ANKRD6: variants seen among roughly 807,000 people sequenced by gnomAD.
The protein encoded by ANKRD6 is ankyrin repeat domain 6, also known as ankyrin repeat domain-containing protein 6.
A neutral mutation model predicts 82.3 loss-of-function variants in ANKRD6; 56 were observed. The ratio of observed to expected loss-of-function variants is 0.68; its 90% confidence interval spans 0.55 to 0.85. The LOEUF is 0.85. ANKRD6 is among the 40% of genes least tolerant of loss of function. The pLI is 0.00. For synonymous variants in ANKRD6, 347 were observed against 352.1 expected (o/e 0.99, Z 0.16); for missense variants, 852 against 907.6 (o/e 0.94, Z 0.79).
intron 1 of ANKRD6, among the ~76,000 whole-genome samples, chr6:89,456,281 G>T (rs371747632): frequency 6.6e-6 from 1 of 152,172 alleles, no homozygotes; most frequent in African/African-American, 2.4e-5. Flanking sequence ...TTTGGGAGGT[G>T]ACAAATATCG....
In ANKRD6 at chr6:89,473,303, C is replaced by T. The variant is rs1373551243; in HGVS notation, c.-144+39928C>T. ...GCGTATGCCCATAATCCCAGCTACTCGGGAGGCTGAGGCAGGAGAATCGCT... is the reference window on the plus strand; with the variant it reads ...GCGTATGCCCATAATCCCAGCTACTTGGGAGGCTGAGGCAGGAGAATCGCT... On this transcript the variant is annotated intron_variant, in intron 1 of 15. Coordinates refer to ENST00000339746, the MANE Select transcript of ANKRD6 (RefSeq NM_001242809.2). Among the ~76,000 whole-genome samples the T allele has an allele frequency of 3.3e-5, 5 of 151,412 alleles. No individual in the cohort carries two copies. In the South Asian group the frequency reaches 6.3e-4, roughly 19 times the overall value.
intron 1 of ANKRD6, among the ~76,000 whole-genome samples, chr6:89,500,699 G>A (rs1779165857): frequency 6.6e-6 from 1 of 152,126 alleles, no homozygotes; most frequent in South Asian, 2.1e-4. Context: ...GGATGGGAAA[G>A]CACTTTGGAA....
intron 1 of ANKRD6, among the ~76,000 whole-genome samples, chr6:89,496,452 C>T (rs1778634227): frequency 6.6e-6 from 1 of 151,990 alleles, no homozygotes; most frequent in African/African-American, 2.4e-5. Flanking sequence ...GGGACCAGGC[C>T]CAGGAAGTCT....
chr6:89,519,387 A>G (rs1237047885), intron 1 of ANKRD6, among the ~76,000 whole-genome samples: 1 of 152,206 alleles, frequency 6.6e-6, no homozygotes, highest in East Asian at 1.9e-4. Flanking sequence ...GATGGGAGAG[A>G]GATTTAGGAA....
intron 6 of ANKRD6, among the ~76,000 whole-genome samples, chr6:89,613,337 A>G (rs912998417): frequency 8.6e-5 from 13 of 151,830 alleles, no homozygotes; most frequent in Non-Finnish European, 1.9e-4. Flanking sequence ...AGATTTGACA[A>G]CCCCCCTGCT....
chr6:89,580,559 A>G (rs1312722342), intron 2 of ANKRD6, among the ~76,000 whole-genome samples: 1 of 151,912 alleles, frequency 6.6e-6, no homozygotes, highest in Non-Finnish European at 1.5e-5. Flanking sequence ...CAAGAAACAC[A>G]GTGAGAACAG....
chr6:89,488,274 G>A (rs112627569), intron 1 of ANKRD6, among the ~76,000 whole-genome samples: 1,598 of 152,288 alleles, frequency 0.01, 18 homozygotes, highest in Non-Finnish European at 0.017. Flanking sequence ...AAATTCAAAC[G>A]TGAGCATTTA....
At chr6:89,572,332 T>C (rs377227950) in intron 2 of ANKRD6, among the ~76,000 whole-genome samples, 7 of 152,362 alleles carry the variant, frequency 4.6e-5, no homozygotes, top group African/African-American at 1.7e-4. Flanking sequence ...ATGTTTTGTT[T>C]TGTAAGAAAC....
At chr6:89,435,131 A>C (rs1008155268) in intron 1 of ANKRD6, among the ~76,000 whole-genome samples, 6 of 152,250 alleles carry the variant, frequency 3.9e-5, no homozygotes, top group African/African-American at 1.4e-4. Context: ...AACTCAGCTT[A>C]GAGACAAGGC....
chr6:89,480,255 A>G (rs1358186810), intron 1 of ANKRD6, among the ~76,000 whole-genome samples: 4 of 152,334 alleles, frequency 2.6e-5, no homozygotes, highest in Non-Finnish European at 5.9e-5. Context: ...GTCTTTCAAA[A>G]TGACTCCTGC....
chr6:89,521,655 G>A (rs545881454), intron 1 of ANKRD6, among the ~76,000 whole-genome samples: 60 of 152,154 alleles, frequency 3.9e-4, no homozygotes, highest in Non-Finnish European at 7.3e-4. Flanking sequence ...GAGAGGTGAC[G>A]TTTTAGATTA....
At position 89,494,130 on chromosome 6, in the gene ANKRD6, G is replaced by A. The variant is rs139929156; in HGVS notation, c.-144+60755G>A. On this transcript the variant is annotated intron_variant, in intron 1 of 15. Transcript: ENST00000339746. ...CAGGAGTTTGAGACCAGCCTGAGCA[G>A]CATAGCAAGATCCCCTCTCTACCAA... 4.0e-3 allele frequency among the ~76,000 whole-genome samples: 601 copies of A among 152,064 alleles called. 4 individuals are homozygous for A. The highest frequency in any genetic ancestry group is 0.014 in the African/African-American group (565 of 41,436).
At chr6:89,587,946 T>G (rs1270996632) in intron 2 of ANKRD6, among the ~76,000 whole-genome samples, 1 of 152,248 alleles carries the variant, frequency 6.6e-6, no homozygotes, top group African/African-American at 2.4e-5. Context: ...TTTCAATTTT[T>G]TTCTCGAATG....
intron 1 of ANKRD6, among the ~76,000 whole-genome samples, chr6:89,490,582 G>A (rs941213811): frequency 6.6e-6 from 1 of 152,208 alleles, no homozygotes; most frequent in African/African-American, 2.4e-5. Flanking sequence ...AAAGGCTGTT[G>A]TGACACAGTG....
intron 1 of ANKRD6, among the ~76,000 whole-genome samples, chr6:89,536,335 A>T (rs752383407): frequency 6.6e-6 from 1 of 152,242 alleles, no homozygotes; most frequent in African/African-American, 2.4e-5. Context: ...TCTGGGTTTC[A>T]TCTGGTTTCC....
intron 1 of ANKRD6, among the ~76,000 whole-genome samples, chr6:89,522,583 T>G (rs1001816252): frequency 6.6e-6 from 1 of 152,110 alleles, no homozygotes; most frequent in African/African-American, 2.4e-5. Flanking sequence ...GCCAGCCCTG[T>G]TTCGTTTGTC....
At chr6:89,519,506 C>T (rs1163368179) in intron 1 of ANKRD6, among the ~76,000 whole-genome samples, 1 of 152,186 alleles carries the variant, frequency 6.6e-6, no homozygotes, top group Non-Finnish European at 1.5e-5. Context: ...GTTGCAATAA[C>T]GAACACTGGA....
intron 1 of ANKRD6, among the ~76,000 whole-genome samples, chr6:89,451,735 T>G (rs938689236): frequency 6.6e-6 from 1 of 152,182 alleles, no homozygotes; most frequent in Non-Finnish European, 1.5e-5. Flanking sequence ...AATTGACTGG[T>G]TGTGTTAAAA....
At chr6:89,586,756 T>TA (rs1184146683) in intron 2 of ANKRD6, among the ~76,000 whole-genome samples, 1 of 152,188 alleles carries the variant, frequency 6.6e-6, no homozygotes, top group Non-Finnish European at 1.5e-5. Context: ...ACTGATGTCT[T>TA]ACCACTCAGG....
Sources: gnomAD v4.1 joint callset for allele counts (sites outside exome capture counted in the v4.1 genomes callset) on GRCh38, gnomAD v4.1.1 for gene constraint, MANE v1.5 for transcripts, NCBI Gene and HGNC (gene_info 2026-07-23, HGNC 2026-07-21) for gene names.